The following ANKRD31 variants were observed in gnomAD, a reference collection of about 807,000 sequenced individuals.
ANKRD31 encodes the protein ankyrin repeat domain 31.
In ANKRD31, 147 loss-of-function variants were observed where a neutral mutation model predicts 186.0. The ratio of observed to expected loss-of-function variants is 0.79; its 90% confidence interval spans 0.69 to 0.91. ANKRD31 has a LOEUF of 0.91. Ranked by LOEUF, ANKRD31 falls within the 40% of genes least tolerant of loss-of-function variation. The pLI, the probability that ANKRD31 is intolerant of heterozygous loss-of-function variation, is 0.00. For missense variants in ANKRD31, 1,986 were observed against 2,148.8 expected, an observed-to-expected ratio of 0.92 and a Z score of 1.50; for synonymous variants, 673 against 736.4, an observed-to-expected ratio of 0.91 and a Z score of 1.39.
chr5:75,171,732 A>G (rs1753341879), intron 10 of ANKRD31, among the ~76,000 whole-genome samples: 1 of 151,868 alleles, frequency 6.6e-6, no homozygotes, highest in African/African-American at 2.4e-5. Flanking sequence ...CAGACATAAG[A>G]TGGAACAGAA....
At chr5:75,115,973 G>A (rs1054933996) in intron 19 of ANKRD31, among the ~76,000 whole-genome samples, 23 of 151,746 alleles carry the variant, frequency 1.5e-4, no homozygotes, top group Non-Finnish European at 2.8e-4. Context: ...TGTTTGTTGC[G>A]GCATTATTCA....
At chr5:75,226,194 C>A (rs1447604091) in intron 2 of ANKRD31, among the ~76,000 whole-genome samples, 3 of 152,170 alleles carry the variant, frequency 2.0e-5, no homozygotes, top group Non-Finnish European at 4.4e-5. Context: ...ATCTCTGGCT[C>A]CCAGACAACA....
intron 21 of ANKRD31, among the ~76,000 whole-genome samples, chr5:75,107,285 A>G (rs2150062765): frequency 6.6e-6 from 1 of 152,188 alleles, no homozygotes; most frequent in Admixed American, 6.5e-5. Context: ...CACTGTAGAC[A>G]ACTTTTTAAG....
chr5:75,220,909 G>A (rs1757258936), intron 3 of ANKRD31, among the ~76,000 whole-genome samples: 1 of 152,078 alleles, frequency 6.6e-6, no homozygotes, highest in African/African-American at 2.4e-5. Context: ...AGACCAGCCT[G>A]GCCAACATGG....
At chr5:75,161,732 C>T (rs1267032087) in intron 11 of ANKRD31, among the ~76,000 whole-genome samples, 4 of 152,184 alleles carry the variant, frequency 2.6e-5, no homozygotes, top group East Asian at 1.9e-4. Flanking sequence ...GGTCCCGATG[C>T]TGTGTACAAC....
At chr5:75,134,120 C>T (rs9713218) in intron 17 of ANKRD31, among the ~76,000 whole-genome samples, 1 of 151,712 alleles carries the variant, frequency 6.6e-6, no homozygotes, top group Non-Finnish European at 1.5e-5. Flanking sequence ...GAAGCAAGAG[C>T]AAACACATTC....
intron 6 of ANKRD31, among the ~76,000 whole-genome samples, chr5:75,198,815 G>A (rs921620722): frequency 1.6e-4 from 24 of 152,252 alleles, no homozygotes; most frequent in Admixed American, 1.4e-3. Flanking sequence ...ATCATTGCTC[G>A]GTCCTCACAA....
chr5:75,154,627 A>G (rs1038803001), intron 11 of ANKRD31, among the ~76,000 whole-genome samples: 1 of 152,006 alleles, frequency 6.6e-6, no homozygotes, highest in African/African-American at 2.4e-5. Flanking sequence ...AGAAGGAGGT[A>G]AGGGGGATGG....
At chr5:75,207,118 T>A (rs931364360) in intron 4 of ANKRD31, among the ~76,000 whole-genome samples, 2 of 152,150 alleles carry the variant, frequency 1.3e-5, no homozygotes, top group Non-Finnish European at 2.9e-5. Flanking sequence ...TCAAGATACC[T>A]TCCTTTAAAA....
intron 17 of ANKRD31, among the ~76,000 whole-genome samples, chr5:75,121,951 A>G (rs112017093): frequency 1.4e-4 from 21 of 152,184 alleles, no homozygotes; most frequent in African/African-American, 5.1e-4. Flanking sequence ...AAAAGAAATA[A>G]CAAAGATCAG....
intron 23 of ANKRD31, among the ~76,000 whole-genome samples, chr5:75,087,493 C>G (rs190307608): frequency 6.6e-6 from 1 of 150,696 alleles, no homozygotes. Context: ...GGCAAGACAG[C>G]GAGACTCTGG....
intron 7 of ANKRD31, among the ~76,000 whole-genome samples, chr5:75,194,329 T>G (rs1755314301): frequency 6.6e-6 from 1 of 152,118 alleles, no homozygotes; most frequent in Non-Finnish European, 1.5e-5. Context: ...TTCACTGTAT[T>G]AATACCAATC....
At chr5:75,115,995 A>C (rs1012927004) in intron 19 of ANKRD31, among the ~76,000 whole-genome samples, 5 of 151,816 alleles carry the variant, frequency 3.3e-5, no homozygotes, top group Admixed American at 1.3e-4. Flanking sequence ...AATAGCAAAG[A>C]CTTGGAACCA....
At chr5:75,129,099 C>G (rs1473060371) in intron 17 of ANKRD31, among the ~76,000 whole-genome samples, 1 of 152,192 alleles carries the variant, frequency 6.6e-6, no homozygotes, top group South Asian at 2.1e-4. Context: ...CCCCATCCCC[C>G]TAGTGCTACC....
At chr5:75,112,873 C>T (rs1435973592) in intron 19 of ANKRD31, among the ~76,000 whole-genome samples, 1 of 152,168 alleles carries the variant, frequency 6.6e-6, no homozygotes, top group Non-Finnish European at 1.5e-5. Context: ...ATCAATTTCT[C>T]ACTGACTTCT....
intron 20 of ANKRD31, among the ~76,000 whole-genome samples, chr5:75,111,043 T>C (rs1747741309): frequency 6.6e-6 from 1 of 151,822 alleles, no homozygotes; most frequent in African/African-American, 2.4e-5. Flanking sequence ...GGAAATCAAA[T>C]GTTCAACAAA....
rs1419079537 is a variant in ANKRD31 at position 75,146,252 on chromosome 5, AAT to A, written c.3157_3158del (p.Ile1053CysfsTer9). On this transcript the variant is annotated frameshift_variant, in exon 14 of 26. Coordinates refer to ENST00000506364, the MANE Select transcript of ANKRD31 (RefSeq NM_001372053.1). LOFTEE classifies it high-confidence loss of function. Reference sequence around the variant, plus strand: ...CACAATTCTTTGCCATCTTTTCCACAATATGTGTATCTGTTTGATTCATTAAA... The same window carrying A: ...CACAATTCTTTGCCATCTTTTCCACAATGTGTATCTGTTTGATTCATTAAA... ...TFLMNQTDTH[I>X]VEKMAKNCDT... 2.6e-6 allele frequency: 4 copies of A among 1,536,470 alleles called. No individual in the cohort carries two copies. Among genetic ancestry groups the A allele is most frequent in the Middle Eastern group, 1.7e-4 (1 of 5,976 alleles).
chr5:75,161,663 A>G (rs1464315652), intron 11 of ANKRD31, among the ~76,000 whole-genome samples: 1 of 152,150 alleles, frequency 6.6e-6, no homozygotes, highest in Non-Finnish European at 1.5e-5. Context: ...AGCCCCTCCC[A>G]TCACAGGCCC....
At chr5:75,189,063 C>T (rs946229962) in intron 9 of ANKRD31, among the ~76,000 whole-genome samples, 5 of 151,922 alleles carry the variant, frequency 3.3e-5, no homozygotes, top group African/African-American at 1.2e-4. Flanking sequence ...CTTATAAAAC[C>T]ATGAGGAGAA....
Sources: allele counts gnomAD v4.1 joint callset (sites outside exome capture counted in the v4.1 genomes callset), GRCh38; gene constraint gnomAD v4.1.1; transcripts MANE v1.5; gene names NCBI Gene and HGNC (gene_info 2026-07-23, HGNC 2026-07-21).